The following ANKRD27 variants were observed in gnomAD, a reference collection of about 807,000 sequenced individuals.
ANKRD27 encodes the protein ankyrin repeat domain-containing protein 27.
ANKRD27 carries 112 observed loss-of-function variants against 129.7 expected under a neutral mutation model. The observed-to-expected ratio is 0.86, with a 90% CI of 0.74 to 1.01. The LOEUF is 1.01. Among genes scored for constraint, ANKRD27 ranks in the 50% least tolerant of loss-of-function variants. The pLI is 0.00. For missense variants in ANKRD27, 1,258 were observed against 1,300.5 expected (o/e 0.97, Z 0.50); for synonymous variants, 516 against 511.2 (o/e 1.01, Z -0.13).
Position 32,622,631 on chromosome 19 carries a change from T to C in ANKRD27, c.1630-12A>G, listed in dbSNP as rs540941380. 8 of 1,612,750 alleles carry C rather than the reference T, an allele frequency of 5.0e-6. No homozygotes were observed. In the South Asian group the frequency reaches 5.5e-5, roughly 11 times the overall value. ...AGAGCCTTCACACACTGCAAAGAGA[T>C]GGGGAAATGGCATCGCTCATGGATG... On this transcript the variant is annotated splice_polypyrimidine_tract_variant and intron_variant, in intron 17 of 28. Transcript: ENST00000306065.
intron 23 of ANKRD27, among the ~76,000 whole-genome samples, chr19:32,606,957 A>G (rs146089739): frequency 0.41 from 39,815 of 97,412 alleles, 4,077 homozygotes; most frequent in Non-Finnish European, 0.49. Context: ...AAAAAAAAAA[A>G]AAAAAAAAAA....
chr19:32,660,313 C>T (rs973899492), intron 1 of ANKRD27, among the ~76,000 whole-genome samples: 5 of 152,070 alleles, frequency 3.3e-5, no homozygotes, highest in Admixed American at 6.5e-5. Flanking sequence ...GAGGCCAAGT[C>T]GGGAGGATCA....
intron 2 of ANKRD27, among the ~76,000 whole-genome samples, chr19:32,651,433 G>T (rs1310564086): frequency 6.6e-6 from 1 of 152,068 alleles, no homozygotes; most frequent in African/African-American, 2.4e-5. Context: ...GCAGTGGCGT[G>T]ATCTCGGCTC....
chr19:32,636,906 C>G (rs559990878), intron 12 of ANKRD27, among the ~76,000 whole-genome samples: 2 of 152,216 alleles, frequency 1.3e-5, no homozygotes, highest in East Asian at 3.9e-4. Context: ...TGCCACCACA[C>G]CCAGCTAATT....
At chr19:32,609,224 T>G (rs538637487) in intron 22 of ANKRD27, among the ~76,000 whole-genome samples, 1 of 152,248 alleles carries the variant, frequency 6.6e-6, no homozygotes, top group African/African-American at 2.4e-5. Context: ...AAACTGGCAG[T>G]TTCTTTTAAG....
rs542043332 is a variant in ANKRD27, at chr19:32,644,757, A to T, written c.371-278T>A. The stretch of plus-strand genomic sequence containing the variant: ...TGTGCATCCAGCACATTATTATCTC[A>T]ATTTTCTGGGGCAAATGAAGACTTA... On this transcript the variant is annotated intron_variant, in intron 4 of 28. Transcript: ENST00000306065. Among the ~76,000 whole-genome samples the T allele has an allele frequency of 2.5e-4, 38 of 152,332 alleles. No homozygotes were observed. The South Asian group carries it at 7.9e-3, about 32-fold the overall frequency.
intron 20 of ANKRD27, among the ~76,000 whole-genome samples, chr19:32,618,009 C>T (rs1341302204): frequency 3.9e-5 from 6 of 151,978 alleles, no homozygotes; most frequent in Non-Finnish European, 5.9e-5. Context: ...CCGCCCACCT[C>T]GGCCTCCCAA....
intron 4 of ANKRD27, 112 bp downstream of exon 4, chr19:32,646,347 G>A: frequency 1.8e-6 from 2 of 1,090,972 alleles, no homozygotes; most frequent in Non-Finnish European, 2.6e-6. Flanking sequence ...GGGATTACAG[G>A]CGCGAGCCAC....
intron 2 of ANKRD27, among the ~76,000 whole-genome samples, chr19:32,649,994 G>T (rs1191981368): frequency 6.6e-6 from 1 of 152,144 alleles, no homozygotes. Context: ...TGTTGCTGTT[G>T]TGATGGAATC....
At chr19:32,629,211 A>G (rs4805785) in intron 13 of ANKRD27, among the ~76,000 whole-genome samples, 105,602 of 151,994 alleles carry the variant, frequency 0.69, 37,158 homozygotes, top group African/African-American at 0.8. Flanking sequence ...GTGAGCCACC[A>G]AACCTGGCCG....
chr19:32,647,703 G>C (rs1350170515), intron 3 of ANKRD27, among the ~76,000 whole-genome samples: 1 of 152,200 alleles, frequency 6.6e-6, no homozygotes, highest in Admixed American at 6.5e-5. Flanking sequence ...CTGTCAGTCA[G>C]CTTAGTTGAT....
chr19:32,671,075 G>A (rs1338408205), intron 1 of ANKRD27, among the ~76,000 whole-genome samples: 1 of 151,402 alleles, frequency 6.6e-6, no homozygotes, highest in East Asian at 2.0e-4. Context: ...GCTGACAGAT[G>A]ATTGAGCCCA....
chr19:32,617,079 G>GA lies in ANKRD27; in HGVS notation c.2052+509_2052+510insT, dbSNP rs1971931609. ...GCCCACACTCGCTATGTGCCTGTAT[G>GA]TTGATCTGCCTCATTACTTGTCAGG... On this transcript the variant is annotated intron_variant, in intron 21 of 28. Transcript: ENST00000306065. Among the ~76,000 whole-genome samples the GA allele has an allele frequency of 7.2e-5, 11 of 152,296 alleles. No individual in the cohort carries two copies. The South Asian group carries it at 2.3e-3, about 32-fold the overall frequency.
At chr19:32,609,829 A>T (rs1971807402) in intron 22 of ANKRD27, among the ~76,000 whole-genome samples, 3 of 95,370 alleles carry the variant, frequency 3.1e-5, no homozygotes, top group African/African-American at 9.2e-5. Flanking sequence ...AAATTATATA[A>T]ATTATAATGT....
chr19:32,618,773 T>A (rs998943896), intron 20 of ANKRD27, among the ~76,000 whole-genome samples: 2 of 152,004 alleles, frequency 1.3e-5, no homozygotes, highest in African/African-American at 4.8e-5. Flanking sequence ...TGGCCGGGCA[T>A]GGTGGCTCAC....
chr19:32,606,399 C>T (rs1971737148), intron 23 of ANKRD27, among the ~76,000 whole-genome samples: 1 of 152,088 alleles, frequency 6.6e-6, no homozygotes, highest in Non-Finnish European at 1.5e-5. Context: ...GGTGATCCAC[C>T]CGTCTCGGCC....
chr19:32,624,078 G>A (rs909483595), intron 17 of ANKRD27, among the ~76,000 whole-genome samples: 1 of 152,048 alleles, frequency 6.6e-6, no homozygotes, highest in Non-Finnish European at 1.5e-5. Context: ...TAAAGAATGT[G>A]CTAGATGGCC....
At chr19:32,643,229 T>C in intron 8 of ANKRD27, 30 bp from the exon 9 acceptor site, 3 of 1,614,098 alleles carry the variant, frequency 1.9e-6, no homozygotes, top group South Asian at 1.1e-5. Flanking sequence ...AACCTTCAAA[T>C]TTCTCAAAAA....
At chr19:32,649,891 G>T in intron 2 of ANKRD27, 99 bp from the exon 3 acceptor site, 1 of 797,450 alleles carries the variant, frequency 1.3e-6, no homozygotes. Context: ...ACACACAGCG[G>T]GACCTGCTGG....
Sources: allele counts gnomAD v4.1 joint callset (sites outside exome capture counted in the v4.1 genomes callset), GRCh38; gene constraint gnomAD v4.1.1; transcripts MANE v1.5; gene names NCBI Gene and HGNC (gene_info 2026-07-23, HGNC 2026-07-21).